Variants in FLACC1 observed in about 807,000 individuals in gnomAD.
The protein encoded by FLACC1 is flagellum associated containing coiled-coil domains 1.
FLACC1 carries 66 observed loss-of-function variants against 62.8 expected under a neutral mutation model. The observed-to-expected ratio is 1.05, with a 90% CI of 0.86 to 1.29. The LOEUF (loss-of-function observed/expected upper bound fraction) is 1.29, where lower values mean the gene tolerates loss of function less well. FLACC1 is among the 50% of genes most tolerant of loss of function. The pLI, the probability that FLACC1 is intolerant of heterozygous loss-of-function variation, is 0.00. For missense variants in FLACC1, 452 were observed against 489.1 expected, an observed-to-expected ratio of 0.92 and a Z score of 0.71; for synonymous variants, 156 against 161.0, an observed-to-expected ratio of 0.97 and a Z score of 0.24.
chr2:201,352,960 T>C (rs751777507), intron 1 of FLACC1, among the ~76,000 whole-genome samples: 4 of 152,162 alleles, frequency 2.6e-5, no homozygotes, highest in East Asian at 1.9e-4. Context: ...AGGAAACGAA[T>C]TCCCCCTGGA....
In FLACC1 at chr2:201,288,555, C is replaced by A. The variant is rs1949642021; in HGVS notation, c.*100G>T. The A allele has an allele frequency of 1.4e-6, 2 of 1,432,142 alleles. No individual in the cohort carries two copies. Among genetic ancestry groups the A allele is most frequent in the Non-Finnish European group, 1.9e-6 (2 of 1,058,338 alleles). The allele number at this position is 1,432,142 out of a possible 1,614,324, so 88.7% of individuals were successfully genotyped here. A position where few individuals can be genotyped will look rare whatever the true frequency, so the allele number is the denominator to read the frequency against. ...GAGTCAGAGCAACCCAAGAACTAAACTCATTATATGCATTTTCTCAAGAAA... is the reference window on the plus strand; with the variant it reads ...GAGTCAGAGCAACCCAAGAACTAAAATCATTATATGCATTTTCTCAAGAAA... On this transcript the variant is annotated 3_prime_UTR_variant, in exon 15 of 15. Transcript: ENST00000392257.
At chr2:201,353,377 C>T (rs186141628) in intron 1 of FLACC1, among the ~76,000 whole-genome samples, 10 of 152,132 alleles carry the variant, frequency 6.6e-5, no homozygotes, top group East Asian at 3.9e-4. Flanking sequence ...AATTAACATA[C>T]GGAGCACAGA....
chr2:201,301,993 A>G (rs1949995206), intron 11 of FLACC1, among the ~76,000 whole-genome samples: 2 of 152,350 alleles, frequency 1.3e-5, no homozygotes, highest in African/African-American at 2.4e-5. Flanking sequence ...GCCAAATTGT[A>G]AAGTCCATCA....
chr2:201,332,136 T>A, intron 7 of FLACC1, among the ~76,000 whole-genome samples: 1 of 152,230 alleles, frequency 6.6e-6, no homozygotes, highest in Non-Finnish European at 1.5e-5. Flanking sequence ...AATTGATAAC[T>A]TATAATTATA....
intron 12 of FLACC1, among the ~76,000 whole-genome samples, chr2:201,293,455 AG>A (rs1372583276): frequency 6.6e-6 from 1 of 152,262 alleles, no homozygotes; most frequent in African/African-American, 2.4e-5. Context: ...GCAGAAATAA[AG>A]ATGTTCTTCA....
intron 9 of FLACC1, among the ~76,000 whole-genome samples, chr2:201,327,914 C>T (rs1334368879): frequency 6.6e-6 from 1 of 151,660 alleles, no homozygotes; most frequent in Non-Finnish European, 1.5e-5. Context: ...AACCTAAGTG[C>T]CCGTTGACTA....
chr2:201,295,014 G>T (rs970185266), intron 12 of FLACC1, among the ~76,000 whole-genome samples: 2 of 152,108 alleles, frequency 1.3e-5, no homozygotes, highest in African/African-American at 4.8e-5. Flanking sequence ...AATAAAAGAG[G>T]ATACAAACAA....
chr2:201,346,972 G>A lies in FLACC1; in HGVS notation c.235-297C>T, dbSNP rs12472273. ...TCGTGGCCAGAGCCCAGAGGAGGTG[G>A]GCATGCGGCAACTGCTCGGGTTTTG... On this transcript the variant is annotated intron_variant, in intron 4 of 14. Transcript: ENST00000392257. This position sits in a 1 kb window ranked among gnomAD's most constrained non-coding sequence, Gnocchi z 4.0. Among the ~76,000 whole-genome samples the A allele has an allele frequency of 0.51, 76,861 of 152,018 alleles. 19,905 individuals are homozygous for A. The highest frequency in any genetic ancestry group is 0.59 in the South Asian group (2,859 of 4,816).
At chr2:201,356,583 T>C (rs16837210) in intron 1 of FLACC1, among the ~76,000 whole-genome samples, 4,916 of 152,344 alleles carry the variant, frequency 0.032, 221 homozygotes, top group African/African-American at 0.098. Flanking sequence ...TGAGTGCATA[T>C]AACCTTAAAT....
intron 7 of FLACC1, among the ~76,000 whole-genome samples, chr2:201,332,184 A>C (rs1950607492): frequency 6.6e-6 from 1 of 152,076 alleles, no homozygotes; most frequent in Non-Finnish European, 1.5e-5. Context: ...ATGATTTATG[A>C]ATACAATGTG....
Position 201,288,453 on chromosome 2 carries a change from A to C in FLACC1, c.*202T>G, listed in dbSNP as rs1949638992. 1.5e-5 allele frequency: 8 copies of C among 520,494 alleles called. No homozygotes were observed. The Admixed American group carries it at 2.1e-4, about 14-fold the overall frequency. The allele number at this position is 520,494 out of a possible 1,614,324, so 32.2% of individuals were successfully genotyped here. A position where few individuals can be genotyped will look rare whatever the true frequency, so the allele number is the denominator to read the frequency against. ...AGAAAGCTCAGCTCCCAGTATGGAGAGCATCATTTTTCAGTGAAGAGTCCG... is the reference window on the plus strand; with the variant it reads ...AGAAAGCTCAGCTCCCAGTATGGAGCGCATCATTTTTCAGTGAAGAGTCCG... On this transcript the variant is annotated 3_prime_UTR_variant, in exon 15 of 15. Transcript: ENST00000392257.
At chr2:201,296,784 A>C (rs1228082800) in intron 12 of FLACC1, among the ~76,000 whole-genome samples, 1 of 152,192 alleles carries the variant, frequency 6.6e-6, no homozygotes, top group Non-Finnish European at 1.5e-5. Context: ...GTGGCACCTG[A>C]GAGGACAAGG....
intron 9 of FLACC1, among the ~76,000 whole-genome samples, chr2:201,313,588 G>A (rs1286238380): frequency 6.6e-6 from 1 of 152,034 alleles, no homozygotes; most frequent in Non-Finnish European, 1.5e-5. Context: ...GCTCAGACAC[G>A]CCTAGCCCTG....
intron 7 of FLACC1, among the ~76,000 whole-genome samples, chr2:201,337,431 AAG>A (rs751428316): frequency 4.6e-4 from 70 of 152,190 alleles, no homozygotes; most frequent in Non-Finnish European, 7.2e-4. Context: ...AGCATTGTCA[AAG>A]ATCAGTTGGC....
intron 8 of FLACC1, 22 bp from the exon 9 acceptor site, chr2:201,330,544 G>T: frequency 6.2e-7 from 1 of 1,610,128 alleles, no homozygotes; most frequent in South Asian, 1.1e-5. Flanking sequence ...GAAAACAACA[G>T]GATCATCATT....
chr2:201,319,879 C>T (rs1304597968), intron 9 of FLACC1, among the ~76,000 whole-genome samples: 1 of 152,234 alleles, frequency 6.6e-6, no homozygotes, highest in Non-Finnish European at 1.5e-5. Context: ...AAGGAATCTA[C>T]AGACCCTTTG....
At chr2:201,358,069 A>G (rs1951146398), upstream of FLACC1, among the ~76,000 whole-genome samples, 1 of 152,192 alleles carries the variant, frequency 6.6e-6, no homozygotes, top group Non-Finnish European at 1.5e-5. Context: ...CTTACAAAAT[A>G]TTGTTATAAA....
rs113262574 is a variant in FLACC1, at chr2:201,311,688, G to A, written c.676-2438C>T. Among the ~76,000 whole-genome samples the A allele has an allele frequency of 6.4e-3, 841 of 131,544 alleles. 4 individuals are homozygous for A. Among genetic ancestry groups the A allele is most frequent in the Non-Finnish European group, 9.6e-3 (616 of 64,112 alleles). 86.3% of individuals were successfully genotyped at this position (131,544 alleles called of 152,430 possible). ...TGCACTCCAGCCCAGGTGACAGAAT[G>A]AGACACTGACTCAAAAAAAAAAAAA... is the stretch of plus-strand genomic sequence containing the variant. On this transcript the variant is annotated intron_variant, in intron 9 of 14. Transcript: ENST00000392257.
At chr2:201,291,361 T>C (rs757936831) in intron 12 of FLACC1, among the ~76,000 whole-genome samples, 14 of 152,258 alleles carry the variant, frequency 9.2e-5, no homozygotes, top group Non-Finnish European at 1.6e-4. Flanking sequence ...CAACATTTGC[T>C]GTTCACCAAT....
Sources: gnomAD v4.1 joint callset for allele counts (sites outside exome capture counted in the v4.1 genomes callset) on GRCh38, gnomAD v4.1.1 for gene constraint, Gnocchi (gnomAD v3.1) non-coding constraint, MANE v1.5 for transcripts, NCBI Gene and HGNC (gene_info 2026-07-23, HGNC 2026-07-21) for gene names.